DSE: variants seen among roughly 807,000 people sequenced by gnomAD.
DSE encodes dermatan-sulfate epimerase.
A neutral mutation model predicts 84.4 loss-of-function variants in DSE; 36 were observed. That is an observed-to-expected ratio of 0.43 (90% CI 0.33 to 0.56). DSE has a LOEUF of 0.56. Among genes scored for constraint, DSE ranks in the 20% least tolerant of loss-of-function variants. The pLI, the probability that DSE is intolerant of heterozygous loss-of-function variation, is 0.06. For missense variants in DSE, 862 were observed against 1,169.6 expected, an observed-to-expected ratio of 0.74 and a Z score of 3.84; for synonymous variants, 410 against 430.1, an observed-to-expected ratio of 0.95 and a Z score of 0.58.
intron 2 of DSE, among the ~76,000 whole-genome samples, chr6:116,336,174 T>C (rs886462049): frequency 6.6e-6 from 1 of 152,240 alleles, no homozygotes; most frequent in Non-Finnish European, 1.5e-5. Flanking sequence ...TACAGAAGAA[T>C]TTAAAATATA....
intron 2 of DSE, among the ~76,000 whole-genome samples, chr6:116,315,064 A>C (rs1775888417): frequency 6.6e-6 from 1 of 152,188 alleles, no homozygotes; most frequent in African/African-American, 2.4e-5. Context: ...AAATGGGGGA[A>C]GTCCTGGGCC....
intron 1 of DSE, among the ~76,000 whole-genome samples, chr6:116,377,148 G>A (rs1284442841): frequency 6.6e-6 from 1 of 152,196 alleles, no homozygotes; most frequent in Admixed American, 6.5e-5. Flanking sequence ...AATATTCGTA[G>A]AGTTTTAAAG....
intron 2 of DSE, among the ~76,000 whole-genome samples, chr6:116,331,256 C>T (rs532876103): frequency 2.6e-5 from 4 of 152,140 alleles, no homozygotes; most frequent in Non-Finnish European, 5.9e-5. Flanking sequence ...ATGAAATACC[C>T]AAGACTGGGT....
At chr6:116,293,023 G>A (rs577206658) in intron 2 of DSE, among the ~76,000 whole-genome samples, 1 of 152,248 alleles carries the variant, frequency 6.6e-6, no homozygotes, top group African/African-American at 2.4e-5. Context: ...AAGAGAGGTG[G>A]TGACATTAGG....
rs750458397 is a variant in DSE at position 116,399,487 on chromosome 6, G to A, written c.237G>A (p.Leu79=). 22 of 1,614,198 alleles carry A rather than the reference G, an allele frequency of 1.4e-5. 1 individual carries two copies. In the Admixed American group the frequency reaches 3.5e-4, roughly 26 times the overall value. The change falls in exon 2 of 6, where the codon CTG becomes CTA. Residue 79 remains leucine, a synonymous_variant. Transcript: ENST00000644252. ...TCACGGAGGCTGTGCACACGATGCT[G>A]TCCAGCCCCTTGGAATACCTCCCTC... ...ARLTEAVHTM[L]SSPLEYLPPW...
intron 3 of DSE, among the ~76,000 whole-genome samples, chr6:116,430,033 G>A (rs947304904): frequency 1.3e-5 from 2 of 152,332 alleles, no homozygotes; most frequent in Admixed American, 1.3e-4. Context: ...GCATTTCTGA[G>A]TTAAAAGGTT....
intron 3 of DSE, among the ~76,000 whole-genome samples, chr6:116,430,685 G>C (rs1388214258): frequency 6.6e-6 from 1 of 152,160 alleles, no homozygotes; most frequent in African/African-American, 2.4e-5. Flanking sequence ...GGGACTACAG[G>C]CATCTGCCAC....
chr6:116,347,309 C>A (rs1472287603), intron 2 of DSE, among the ~76,000 whole-genome samples: 3 of 152,176 alleles, frequency 2.0e-5, no homozygotes, highest in Non-Finnish European at 4.4e-5. Context: ...GCCCGCATTG[C>A]CAAGACAATC....
intron 2 of DSE, among the ~76,000 whole-genome samples, chr6:116,360,927 A>G (rs1048220749): frequency 1.3e-5 from 2 of 152,158 alleles, no homozygotes; most frequent in Non-Finnish European, 2.9e-5. Context: ...ATGATTTGGG[A>G]TACATTTTTT....
chr6:116,374,227 A>G (rs564435836), intron 1 of DSE, among the ~76,000 whole-genome samples: 6 of 152,362 alleles, frequency 3.9e-5, no homozygotes, highest in African/African-American at 1.4e-4. Flanking sequence ...TAAATATTAC[A>G]TAACCATTAG....
At chr6:116,278,485 A>G (rs1269550177) in intron 2 of DSE, 1 of 1,613,070 alleles carries the variant, frequency 6.2e-7, no homozygotes, top group East Asian at 2.2e-5. Flanking sequence ...GTGGTAGGAG[A>G]CCTTGTGCAG....
chr6:116,437,183 G>C lies in DSE; in HGVS notation c.2715G>C (p.Leu905=). The C allele has an allele frequency of 6.2e-7, 1 of 1,614,128 alleles. No homozygotes were observed. Among genetic ancestry groups the C allele is most frequent in the Non-Finnish European group, 8.5e-7 (1 of 1,180,000 alleles). The change falls in exon 6 of 6, where the codon CTG becomes CTC. Residue 905 remains leucine (L), a synonymous_variant. Coordinates refer to ENST00000644252, the MANE Select transcript of DSE (RefSeq NM_013352.4). ...CTGCTTCCTATACCAGGTTGTTCCT[G>C]ATTCTGAACATTGCTATTTTCTTTG... The part of the protein sequence containing the change: ...SLSASYTRLF[L]ILNIAIFFVM...
chr6:116,284,113 A>G (rs553076232), intron 2 of DSE, among the ~76,000 whole-genome samples: 1 of 152,316 alleles, frequency 6.6e-6, no homozygotes, highest in East Asian at 1.9e-4. Flanking sequence ...ACATCTGCAA[A>G]AAACCCTGAG....
At chr6:116,258,469 T>G in exon 2 of DSE, 2 of 953,516 alleles carry the variant, frequency 2.1e-6, no homozygotes, top group Non-Finnish European at 3.5e-6. Context: ...GGCAGACAGG[T>G]TTATTGGGCA....
chr6:116,279,934 A>G (rs1773410562), intron 2 of DSE: 6 of 1,531,950 alleles, frequency 3.9e-6, no homozygotes, highest in Admixed American at 1.7e-5. Context: ...TCTCACTAAC[A>G]TTTCAGCGGC....
chr6:116,296,551 T>G (rs1165607475), intron 2 of DSE, among the ~76,000 whole-genome samples: 2 of 152,164 alleles, frequency 1.3e-5, no homozygotes, highest in African/African-American at 4.8e-5. Flanking sequence ...AGGTTTTGTG[T>G]GGAGGTGATA....
At chr6:116,310,037 T>A (rs2114728407) in intron 2 of DSE, among the ~76,000 whole-genome samples, 1 of 152,312 alleles carries the variant, frequency 6.6e-6, no homozygotes, top group Admixed American at 6.5e-5. Context: ...TTACTGAATA[T>A]TTATTGTGGC....
chr6:116,302,622 C>T (rs536593408), intron 2 of DSE, among the ~76,000 whole-genome samples: 1 of 152,212 alleles, frequency 6.6e-6, no homozygotes, highest in South Asian at 2.1e-4. Context: ...GTTTCTTTGG[C>T]TGTGCATAGT....
Position 116,389,057 on chromosome 6 carries a change from C to G in DSE, c.-53-10141C>G, listed in dbSNP as rs115115501. ...ATTCTCTGAGTGATAGTTTTGTGAG[C>G]GTTTCCTCCTGGGGTCATGGTGCAC... On this transcript the variant is annotated intron_variant, in intron 1 of 5. Transcript: ENST00000644252. 2.8e-3 allele frequency among the ~76,000 whole-genome samples: 426 copies of G among 152,296 alleles called. 4 individuals carry two copies. Among genetic ancestry groups the G allele is most frequent in the African/African-American group, 9.9e-3 (411 of 41,568 alleles).
Sources: gnomAD v4.1 joint callset for allele counts (sites outside exome capture counted in the v4.1 genomes callset) on GRCh38, gnomAD v4.1.1 for gene constraint, MANE v1.5 for transcripts, NCBI Gene and HGNC (gene_info 2026-07-23, HGNC 2026-07-21) for gene names.